The following CCDC148 variants were observed in gnomAD, a reference collection of about 807,000 sequenced individuals.
The protein encoded by CCDC148 is coiled-coil domain containing 148, also known as coiled-coil domain-containing protein 148.
Under a neutral mutation model 85.7 loss-of-function variants are expected in CCDC148, and 89 were observed. The observed-to-expected ratio is 1.04, with a 90% CI of 0.87 to 1.24. CCDC148 has a LOEUF of 1.24. CCDC148 is among the 50% of genes most tolerant of loss of function. The pLI is 0.00. For missense variants in CCDC148, 692 were observed against 671.7 expected (o/e 1.03, Z -0.33); for synonymous variants, 230 against 213.9 (o/e 1.08, Z -0.66).
At chr2:158,452,819 T>C (rs1242070771) in intron 1 of CCDC148, among the ~76,000 whole-genome samples, 1 of 152,188 alleles carries the variant, frequency 6.6e-6, no homozygotes. Context: ...CTATTACACA[T>C]ACCAGATGTT....
chr2:158,309,189 C>A (rs968507070), intron 9 of CCDC148, among the ~76,000 whole-genome samples: 1 of 152,182 alleles, frequency 6.6e-6, no homozygotes, highest in Non-Finnish European at 1.5e-5. Flanking sequence ...TTGGATATCT[C>A]AATCAAAACT....
At chr2:158,193,992 T>A (rs1474954550) in intron 11 of CCDC148, among the ~76,000 whole-genome samples, 3 of 150,084 alleles carry the variant, frequency 2.0e-5, no homozygotes, top group Admixed American at 1.3e-4. Context: ...GTTGTGCACA[T>A]GTACCCTAGA....
intron 10 of CCDC148, among the ~76,000 whole-genome samples, chr2:158,234,877 T>G (rs1321798911): frequency 6.6e-6 from 1 of 152,182 alleles, no homozygotes; most frequent in African/African-American, 2.4e-5. Flanking sequence ...GGTTTAGGAT[T>G]TTGGGTGATT....
chr2:158,406,631 T>TTTTGTTTTTTTTTTTTTTTG (rs1686033490), intron 1 of CCDC148, among the ~76,000 whole-genome samples: 2 of 140,024 alleles, frequency 1.4e-5, no homozygotes, highest in Non-Finnish European at 1.6e-5. Flanking sequence ...TTTTTTTTTT[T>TTTTGTTTTTTTTTTTTTTTG]TTTTTTTTTG....
intron 9 of CCDC148, among the ~76,000 whole-genome samples, chr2:158,298,761 A>AT (rs1477814200): frequency 6.6e-6 from 1 of 151,888 alleles, no homozygotes; most frequent in Non-Finnish European, 1.5e-5. Flanking sequence ...ATTTTCATTC[A>AT]TTTTTTCCAT....
intron 2 of CCDC148, among the ~76,000 whole-genome samples, chr2:158,349,500 G>C (rs1683156413): frequency 6.6e-6 from 1 of 151,656 alleles, no homozygotes; most frequent in South Asian, 2.1e-4. Context: ...AATAATTCTA[G>C]TTAGTGTGGA....
rs34660144 is a variant in CCDC148 at position 158,207,954 on chromosome 2, GACACAC to G, written c.1370+12635_1370+12640del. ...TACAGAAAGGTGTTCATTTTGATCT[GACACAC>G]ACACACACACACACACACACACACA... On this transcript the variant is annotated intron_variant, in intron 11 of 13. Coordinates refer to ENST00000283233, the MANE Select transcript of CCDC148 (RefSeq NM_138803.4). 3.3e-3 allele frequency among the ~76,000 whole-genome samples: 491 copies of G among 149,084 alleles called. 8 individuals carry two copies. Among genetic ancestry groups the G allele is most frequent in the African/African-American group, 0.011 (466 of 40,766 alleles).
At chr2:158,257,265 C>T (rs544527544) in intron 9 of CCDC148, among the ~76,000 whole-genome samples, 4 of 151,860 alleles carry the variant, frequency 2.6e-5, no homozygotes, top group Admixed American at 2.6e-4. Flanking sequence ...ATATTTCCAT[C>T]AAGATTAGAG....
chr2:158,443,662 T>TA (rs1007970855), intron 1 of CCDC148, among the ~76,000 whole-genome samples: 11 of 152,014 alleles, frequency 7.2e-5, no homozygotes, highest in African/African-American at 1.9e-4. Context: ...TCTTTCAAAA[T>TA]AAAAAAAATC....
chr2:158,184,571 C>T (rs1685067286), intron 11 of CCDC148, among the ~76,000 whole-genome samples: 1 of 152,100 alleles, frequency 6.6e-6, no homozygotes, highest in African/African-American at 2.4e-5. Context: ...CATAAACTTC[C>T]AAATTACAGA....
At chr2:158,232,694 C>T (rs548696934) in intron 10 of CCDC148, among the ~76,000 whole-genome samples, 1 of 152,282 alleles carries the variant, frequency 6.6e-6, no homozygotes, top group South Asian at 2.1e-4. Context: ...GAAGTCATAA[C>T]ACTTAACCAG....
chr2:158,301,383 A>G (rs76110789), intron 9 of CCDC148, among the ~76,000 whole-genome samples: 2,589 of 152,340 alleles, frequency 0.017, 76 homozygotes, highest in African/African-American at 0.058. Flanking sequence ...GTGCAAATTT[A>G]CCACAGGAAA....
Position 158,250,753 on chromosome 2 carries a change from T to C in CCDC148, c.1251+19A>G, listed in dbSNP as rs768852180. On this transcript the variant is annotated intron_variant, in intron 10 of 13. Coordinates refer to ENST00000283233, the MANE Select transcript of CCDC148 (RefSeq NM_138803.4). Reference sequence around the variant, plus strand: ...TTAAGCATTCATTCACACATTCGTATTGACAATAGATTTTTTACTTTTTTT... The same window carrying C: ...TTAAGCATTCATTCACACATTCGTACTGACAATAGATTTTTTACTTTTTTT... 3.3e-5 allele frequency: 50 copies of C among 1,527,588 alleles called. 1 individual carries two copies. The South Asian group carries it at 3.7e-4, about 11-fold the overall frequency. 94.6% of individuals were successfully genotyped at this position (1,527,588 alleles called of 1,614,324 possible).
chr2:158,361,425 G>C (rs1263145316), intron 1 of CCDC148, among the ~76,000 whole-genome samples: 1 of 152,192 alleles, frequency 6.6e-6, no homozygotes, highest in African/African-American at 2.4e-5. Context: ...CAGTCAGAGA[G>C]AAAGGTTGGT....
chr2:158,193,448 T>C (rs549614076), intron 11 of CCDC148, among the ~76,000 whole-genome samples: 1 of 152,058 alleles, frequency 6.6e-6, no homozygotes, highest in Non-Finnish European at 1.5e-5. Context: ...TGTGGAGTAA[T>C]ACCCTGATTA....
intron 11 of CCDC148, among the ~76,000 whole-genome samples, chr2:158,214,946 A>C (rs4664933): frequency 0.51 from 77,359 of 152,036 alleles, 23,317 homozygotes; most frequent in East Asian, 0.72. Flanking sequence ...AATCAACAAC[A>C]TTTCTAAGTG....
chr2:158,323,919 CTTTT>C (rs777356867), intron 7 of CCDC148, among the ~76,000 whole-genome samples: 12,048 of 82,064 alleles, frequency 0.15, 803 homozygotes, highest in African/African-American at 0.31. Flanking sequence ...CTGGGAATAA[CTTTT>C]TTTTTTTTTT....
chr2:158,428,164 C>A (rs186515905), intron 1 of CCDC148, among the ~76,000 whole-genome samples: 4 of 152,010 alleles, frequency 2.6e-5, no homozygotes, highest in African/African-American at 7.2e-5. Flanking sequence ...TACACAGAGG[C>A]CACTTAGGAG....
intron 1 of CCDC148, among the ~76,000 whole-genome samples, chr2:158,415,434 G>A (rs968578744): frequency 2.6e-5 from 4 of 152,108 alleles, no homozygotes; most frequent in African/African-American, 9.7e-5. Context: ...TGAGATTTGG[G>A]CAGGGACACA....
Sources: allele counts gnomAD v4.1 joint callset (sites outside exome capture counted in the v4.1 genomes callset), GRCh38; gene constraint gnomAD v4.1.1; transcripts MANE v1.5; gene names NCBI Gene and HGNC (gene_info 2026-07-23, HGNC 2026-07-21).